KLB: variants seen among roughly 807,000 people sequenced by gnomAD.
KLB encodes klotho beta.
KLB carries 44 observed loss-of-function variants against 88.4 expected under a neutral mutation model. The ratio of observed to expected loss-of-function variants is 0.50; its 90% CI spans 0.39 to 0.64. KLB has a LOEUF of 0.64. Ranked by LOEUF, KLB falls within the 30% of genes least tolerant of loss-of-function variation. KLB has a pLI of 0.00. For missense variants in KLB, 1,137 were observed against 1,304.8 expected (o/e 0.87, Z 1.98); for synonymous variants, 548 against 513.4 (o/e 1.07, Z -0.91).
intron 3 of KLB, among the ~76,000 whole-genome samples, chr4:39,445,381 CT>C: frequency 6.6e-6 from 1 of 152,326 alleles, no homozygotes; most frequent in Middle Eastern, 3.4e-3. Flanking sequence ...GGATAGTCTA[CT>C]GTCCTTTCCA....
At chr4:39,448,193 A>C in intron 4 of KLB, 108 bp from the exon 5 acceptor site, 1 of 758,912 alleles carries the variant, frequency 1.3e-6, no homozygotes, top group Non-Finnish European at 2.1e-6. Context: ...AAAAATCACT[A>C]CCTTTATTAT....
In KLB at chr4:39,437,759, T is replaced by C; in HGVS notation, c.1369T>C (p.Tyr457His). The C allele has an allele frequency of 6.2e-7, 1 of 1,613,604 alleles. No individual in the cohort carries two copies. Residue 457 changes from tyrosine (Y) to histidine (H), a missense_variant, in exon 3 of 5, where the codon TAT becomes CAT. Around this residue, in one of 4 missense-constraint regions of KLB, gnomAD observed 597 missense variants for 765.2 expected, o/e 0.78. Coordinates refer to ENST00000257408, the MANE Select transcript of KLB (RefSeq NM_175737.4). Reference protein sequence around the residue: ...IRLDEIRVFGYTAWSLLDGFE... With the variant: ...IRLDEIRVFGHTAWSLLDGFE... ...GTTAGATGAAATACGAGTGTTTGGT[T>C]ATACTGCCTGGTCTCTCCTGGATGG... is the stretch of plus-strand genomic sequence containing the variant.
intron 1 of KLB, among the ~76,000 whole-genome samples, chr4:39,421,021 T>C (rs1208144391): frequency 6.6e-6 from 1 of 152,232 alleles, no homozygotes; most frequent in Non-Finnish European, 1.5e-5. Flanking sequence ...CATATAGTGA[T>C]TTTTGAATCG....
At chr4:39,422,435 T>C (rs1469497332) in intron 1 of KLB, among the ~76,000 whole-genome samples, 1 of 152,154 alleles carries the variant, frequency 6.6e-6, no homozygotes, top group Non-Finnish European at 1.5e-5. Context: ...ATTCACCTTG[T>C]GCAAGTTACC....
rs375041863 is a variant in KLB at position 39,439,096 on chromosome 4, G to A, written c.1605+1101G>A. ...CAGCTCACTGTAGCCTCAATCTCCT[G>A]GCCTCAAGTGATCGTCCCACCTCAA... is the stretch of plus-strand genomic sequence containing the variant. On this transcript the variant is annotated intron_variant, in intron 3 of 4. Transcript: ENST00000257408. Among the ~76,000 whole-genome samples the A allele has an allele frequency of 1.7e-4, 25 of 150,190 alleles. No homozygotes were observed. The South Asian group carries it at 5.0e-3, about 30-fold the overall frequency.
Position 39,437,726 on chromosome 4 carries a change from G to A in KLB, c.1337-1G>A. 6.2e-7 allele frequency: 1 copy of A among 1,606,258 alleles called. No homozygotes were observed. The highest frequency in any genetic ancestry group is 8.5e-7 in the Non-Finnish European group (1 of 1,174,612). On this transcript the variant is annotated splice_acceptor_variant, in intron 2 of 4. Transcript: ENST00000257408. LOFTEE classifies it high-confidence loss of function. The stretch of plus-strand genomic sequence containing the variant: ...ATCTCTGCTTTCTTTTCTCTGTGCA[G>A]CAATAAGGTTAGATGAAATACGAGT...
chr4:39,407,111 T>A lies in KLB; in HGVS notation c.162T>A (p.Ser54=). Residue 54 remains serine (S), a synonymous_variant, in exon 1 of 5, where the codon TCT becomes TCA. Transcript: ENST00000257408. ...LILLRAVTGF[S]GDGRAIWSKN... Reference sequence around the variant, plus strand: ...TGCTACGAGCTGTTACTGGATTCTCTGGAGATGGAAGAGCTATATGGTCTA... The same window carrying A: ...TGCTACGAGCTGTTACTGGATTCTCAGGAGATGGAAGAGCTATATGGTCTA... 1.2e-6 allele frequency: 2 copies of A among 1,614,214 alleles called. No homozygotes were observed. The highest frequency in any genetic ancestry group is 1.7e-6 in the Non-Finnish European group (2 of 1,180,028).
rs753443383 is a variant in KLB, at chr4:39,447,210, T to A, written c.2484T>A (p.Thr828=). The A allele has an allele frequency of 6.2e-7, 1 of 1,613,914 alleles. No individual in the cohort carries two copies. The highest frequency in any genetic ancestry group is 1.1e-5 in the South Asian group (1 of 91,076). ...TCTGCGCGCTCAACCACTTCACCAC[T>A]AGGTTCGTGATGCACGAGCAGCTGG... ...VDFCALNHFT[T]RFVMHEQLAG... is the part of the protein sequence containing the mutation. Residue 828 remains threonine (T), a synonymous_variant, in exon 4 of 5, where the codon ACT becomes ACA. Coordinates refer to ENST00000257408, the MANE Select transcript of KLB (RefSeq NM_175737.4).
intron 1 of KLB, among the ~76,000 whole-genome samples, chr4:39,419,906 T>G (rs1257100942): frequency 7.5e-6 from 1 of 132,872 alleles, no homozygotes; most frequent in Non-Finnish European, 1.5e-5. Context: ...ATCGTGCCAC[T>G]GCACTCCAGT....
rs1220812968 is a variant in KLB at position 39,446,619 on chromosome 4, G to A, written c.1893G>A (p.Leu631=). The change falls in exon 4 of 5, where the codon CTG becomes CTA. Residue 631 remains leucine (L), a synonymous_variant. Transcript: ENST00000257408. This position sits in a 1 kb window ranked among gnomAD's most constrained non-coding sequence, Gnocchi z 6.4. ...ACAGGTGCGTGGTCAGTGAGGGGCT[G>A]AAGCTTGGCATCTCCGCGATGGTCA... ...RYYRCVVSEG[L]KLGISAMVTL... is the part of the protein sequence containing the mutation. 2 of 1,613,838 alleles carry A rather than the reference G, an allele frequency of 1.2e-6. No individual in the cohort carries two copies. Among genetic ancestry groups the A allele is most frequent in the Non-Finnish European group, 1.7e-6 (2 of 1,179,866 alleles).
intron 3 of KLB, among the ~76,000 whole-genome samples, chr4:39,443,322 A>C (rs1437177836): frequency 1.3e-5 from 2 of 151,724 alleles, no homozygotes; most frequent in East Asian, 3.9e-4. Context: ...CAGGTGGTCG[A>C]GGATGCAGTC....
chr4:39,448,207 C>A, intron 4 of KLB, 94 bp from the exon 5 acceptor site: 1 of 890,180 alleles, frequency 1.1e-6, no homozygotes, highest in Non-Finnish European at 1.7e-6. Context: ...TTATTATGGG[C>A]ATAATTTTAG....
chr4:39,443,511 G>T (rs1263614423), intron 3 of KLB, among the ~76,000 whole-genome samples: 2 of 151,352 alleles, frequency 1.3e-5, no homozygotes, highest in African/African-American at 4.9e-5. Flanking sequence ...TTGGGAGGCC[G>T]AGGCGGGCGT....
At chr4:39,417,824 T>G (rs536338933) in intron 1 of KLB, among the ~76,000 whole-genome samples, 1 of 152,350 alleles carries the variant, frequency 6.6e-6, no homozygotes, top group East Asian at 1.9e-4. Context: ...GTAGGTGTTC[T>G]GAAACTCAAC....
chr4:39,432,766 A>T lies in KLB; in HGVS notation c.826-1444A>T, dbSNP rs146777180. Among the ~76,000 whole-genome samples the T allele has an allele frequency of 9.6e-4, 146 of 152,304 alleles. 1 individual carries two copies. The highest frequency in any genetic ancestry group is 3.5e-3 in the African/African-American group (144 of 41,568). The stretch of plus-strand genomic sequence containing the variant: ...GAGCTCAACTGGAAATGCAAACTCC[A>T]GGAGGACCAATAATAATAACATCCA... On this transcript the variant is annotated intron_variant, in intron 1 of 4. Transcript: ENST00000257408.
chr4:39,448,616 GAAGA>G lies in KLB; in HGVS notation c.3069_3072del (p.Arg1023SerfsTer13), dbSNP rs748839379. 96 of 1,614,052 alleles carry G rather than the reference GAAGA, an allele frequency of 5.9e-5. 1 individual carries two copies. The South Asian group carries it at 8.5e-4, about 14-fold the overall frequency. On this transcript the variant is annotated frameshift_variant, in exon 5 of 5. Coordinates refer to ENST00000257408, the MANE Select transcript of KLB (RefSeq NM_175737.4). LOFTEE classifies it high-confidence loss of function. ...ATTGCCATTTTTCAAAGGCAGAAGA[GAAGA>G]AAGTTTTGGAAAGCAAAAAACTTAC...
At chr4:39,417,117 TCCC>T in intron 1 of KLB, among the ~76,000 whole-genome samples, 1 of 151,904 alleles carries the variant, frequency 6.6e-6, no homozygotes, top group African/African-American at 2.4e-5. Flanking sequence ...TTTTTAAAAC[TCCC>T]TTGGTAAAGT....
intron 1 of KLB, among the ~76,000 whole-genome samples, chr4:39,427,482 C>T (rs955979374): frequency 8.5e-6 from 1 of 117,956 alleles, no homozygotes; most frequent in Admixed American, 8.6e-5. Flanking sequence ...GACTCTGTCT[C>T]AAAAAAAAAA....
intron 1 of KLB, among the ~76,000 whole-genome samples, chr4:39,433,633 G>T (rs1743408686): frequency 6.6e-6 from 1 of 152,156 alleles, no homozygotes; most frequent in Non-Finnish European, 1.5e-5. Context: ...GCCGAGGAGG[G>T]TGGATTACCT....
Sources: allele counts gnomAD v4.1 joint callset (sites outside exome capture counted in the v4.1 genomes callset), GRCh38; gene constraint gnomAD v4.1.1; regional missense constraint gnomAD v4.1.1; non-coding constraint Gnocchi (gnomAD v3.1); transcripts MANE v1.5; gene names NCBI Gene and HGNC (gene_info 2026-07-23, HGNC 2026-07-21).